Variants in ARHGEF28 observed in about 807,000 individuals in gnomAD.
The protein encoded by ARHGEF28 is 190 kDa guanine nucleotide exchange factor.
Under a neutral mutation model 206.6 loss-of-function variants are expected in ARHGEF28, and 152 were observed. The observed-to-expected ratio is 0.74, with a 90% confidence interval of 0.64 to 0.84. ARHGEF28 has a LOEUF of 0.84. Among genes scored for constraint, ARHGEF28 ranks in the 40% least tolerant of loss-of-function variants. The pLI, the probability that ARHGEF28 is intolerant of heterozygous loss-of-function variation, is 0.00. For synonymous variants in ARHGEF28, 763 were observed against 776.4 expected (o/e 0.98, Z 0.29); for missense variants, 2,028 against 2,073.2 (o/e 0.98, Z 0.42).
chr5:73,922,646 G>A (rs1763582608), intron 35 of ARHGEF28, among the ~76,000 whole-genome samples: 1 of 152,050 alleles, frequency 6.6e-6, no homozygotes, highest in South Asian at 2.1e-4. Context: ...TGTGTATATT[G>A]TGTTGTCTTT....
intron 1 of ARHGEF28, among the ~76,000 whole-genome samples, chr5:73,683,730 G>T (rs1468445805): frequency 1.3e-5 from 2 of 151,794 alleles, no homozygotes; most frequent in African/African-American, 4.8e-5. Context: ...GAACTCTCTG[G>T]CCCTCTGTGT....
chr5:73,808,794 G>C (rs549368044), intron 9 of ARHGEF28, among the ~76,000 whole-genome samples: 2 of 152,252 alleles, frequency 1.3e-5, no homozygotes. Context: ...CAGTGGAGTA[G>C]AGAAGCAAAG....
intron 1 of ARHGEF28, among the ~76,000 whole-genome samples, chr5:73,633,909 C>T (rs1006932074): frequency 1.3e-5 from 2 of 152,042 alleles, no homozygotes; most frequent in African/African-American, 4.8e-5. Flanking sequence ...TGTTGAGTTT[C>T]CACGTTCATA....
rs536153854 is a variant in ARHGEF28, at chr5:73,939,707, T to C, written c.4949-1137T>C. Reference sequence around the variant, plus strand: ...CTTCTGGGAAGAGTTTTCCTTTCATTCCTGCCAAGCCTTGCTTACTGCCTT... The same window carrying C: ...CTTCTGGGAAGAGTTTTCCTTTCATCCCTGCCAAGCCTTGCTTACTGCCTT... On this transcript the variant is annotated intron_variant, in intron 35 of 35. Coordinates refer to ENST00000513042, the MANE Select transcript of ARHGEF28 (RefSeq NM_001177693.2). 1.3e-4 allele frequency among the ~76,000 whole-genome samples: 20 copies of C among 152,310 alleles called. No homozygotes were observed. In the South Asian group the frequency reaches 4.1e-3, roughly 32 times the overall value.
intron 2 of ARHGEF28, among the ~76,000 whole-genome samples, chr5:73,746,122 G>A (rs549966591): frequency 1.3e-5 from 2 of 152,074 alleles, no homozygotes; most frequent in East Asian, 1.9e-4. Context: ...CAAAATTTTT[G>A]GAAAGAAGTT....
intron 10 of ARHGEF28, among the ~76,000 whole-genome samples, chr5:73,834,626 A>G (rs1402626579): frequency 1.3e-5 from 2 of 151,650 alleles, no homozygotes; most frequent in Non-Finnish European, 2.9e-5. Flanking sequence ...ATTTCAGTCA[A>G]TGGTGGAATC....
chr5:73,852,510 A>T, intron 13 of ARHGEF28, 140 bp from the exon 14 acceptor site: 6 of 742,422 alleles, frequency 8.1e-6, no homozygotes, highest in Non-Finnish European at 1.4e-5. Flanking sequence ...CCTTACTTAT[A>T]TAAGGTAACT....
intron 1 of ARHGEF28, among the ~76,000 whole-genome samples, chr5:73,630,897 C>T (rs1011580479): frequency 3.9e-5 from 6 of 152,252 alleles, no homozygotes; most frequent in African/African-American, 1.4e-4. Context: ...TAGCATTGTG[C>T]CTGCAATAGG....
At chr5:73,890,434 T>C (rs1761556199) in intron 26 of ARHGEF28, among the ~76,000 whole-genome samples, 1 of 152,184 alleles carries the variant, frequency 6.6e-6, no homozygotes, top group South Asian at 2.1e-4. Context: ...AGTAGGTCCA[T>C]AATAGAATAA....
intron 7 of ARHGEF28, among the ~76,000 whole-genome samples, chr5:73,787,765 T>G (rs1754249030): frequency 6.6e-6 from 1 of 152,166 alleles, no homozygotes. Context: ...CTGTATTTCC[T>G]TTAGTGACTG....
chr5:73,938,931 C>CTT (rs200516722), intron 35 of ARHGEF28, among the ~76,000 whole-genome samples: 1,284 of 120,606 alleles, frequency 0.011, 22 homozygotes, highest in African/African-American at 0.035. Context: ...ATTAATATGT[C>CTT]TTTTTTTTTT....
chr5:73,751,191 C>T (rs776745113), intron 3 of ARHGEF28, among the ~76,000 whole-genome samples: 1 of 152,200 alleles, frequency 6.6e-6, no homozygotes, highest in Non-Finnish European at 1.5e-5. Flanking sequence ...AGGAGGATCA[C>T]CTGAGGTCGG....
At chr5:73,763,549 T>C (rs1752728055) in intron 4 of ARHGEF28, among the ~76,000 whole-genome samples, 1 of 152,176 alleles carries the variant, frequency 6.6e-6, no homozygotes, top group Non-Finnish European at 1.5e-5. Flanking sequence ...GACTGCAATG[T>C]ATTTTCATTT....
At chr5:73,703,999 A>G (rs1452715846) in intron 2 of ARHGEF28, among the ~76,000 whole-genome samples, 2 of 150,498 alleles carry the variant, frequency 1.3e-5, no homozygotes, top group African/African-American at 4.9e-5. Context: ...ACTTCAGCCT[A>G]GATGACAGAG....
chr5:73,679,801 G>A (rs1746951493), intron 1 of ARHGEF28, among the ~76,000 whole-genome samples: 2 of 151,376 alleles, frequency 1.3e-5, no homozygotes, highest in African/African-American at 4.9e-5. Context: ...TGTAGTACAT[G>A]TTTAAGTTTG....
chr5:73,857,960 G>A, intron 15 of ARHGEF28, 127 bp from the exon 16 acceptor site: 14 of 1,425,336 alleles, frequency 9.8e-6, no homozygotes, highest in Non-Finnish European at 1.3e-5. Flanking sequence ...CCCTCTGTGT[G>A]CAGTCCTTAT....
intron 9 of ARHGEF28, among the ~76,000 whole-genome samples, chr5:73,823,108 G>A (rs1434041187): frequency 6.6e-6 from 1 of 152,166 alleles, no homozygotes; most frequent in Non-Finnish European, 1.5e-5. Context: ...GACCGTGTTT[G>A]CGTTCTGGTT....
chr5:73,803,425 C>T (rs1047205108), intron 9 of ARHGEF28: 4 of 154,030 alleles, frequency 2.6e-5, no homozygotes, highest in African/African-American at 9.7e-5. Flanking sequence ...ATCAGCAGGT[C>T]CTCCAGATGC....
intron 9 of ARHGEF28, among the ~76,000 whole-genome samples, chr5:73,812,699 G>T (rs1755915890): frequency 6.6e-6 from 1 of 152,128 alleles, no homozygotes; most frequent in African/African-American, 2.4e-5. Context: ...CTGTTGGTTT[G>T]TGGTAAATTA....
Sources: allele counts gnomAD v4.1 joint callset (sites outside exome capture counted in the v4.1 genomes callset), GRCh38; gene constraint gnomAD v4.1.1; transcripts MANE v1.5; gene names NCBI Gene and HGNC (gene_info 2026-07-23, HGNC 2026-07-21).